THSD7A: variants seen among roughly 807,000 people sequenced by gnomAD.
The protein encoded by THSD7A is thrombospondin type 1 domain containing 7A.
In THSD7A, 96 loss-of-function variants were observed where a neutral mutation model predicts 231.3. That is an observed-to-expected ratio of 0.41 (90% confidence interval 0.35 to 0.49). The LOEUF (loss-of-function observed/expected upper bound fraction) is 0.49, where lower values mean the gene tolerates loss of function less well. Among genes scored for constraint, THSD7A ranks in the 20% least tolerant of loss-of-function variants. THSD7A has a pLI of 0.05. For synonymous variants in THSD7A, 940 were observed against 743.3 expected (o/e 1.26, Z -4.30); for missense variants, 2,290 against 2,070.2 (o/e 1.11, Z -2.06).
intron 4 of THSD7A, among the ~76,000 whole-genome samples, chr7:11,569,011 CCTAT>C (rs1385052319): frequency 2.4e-4 from 36 of 150,456 alleles, no homozygotes; most frequent in Non-Finnish European, 5.2e-4. Context: ...ACCCTACACT[CCTAT>C]CTCTCACCAC....
intron 10 of THSD7A, among the ~76,000 whole-genome samples, chr7:11,461,065 C>T (rs998280974): frequency 6.6e-6 from 1 of 152,052 alleles, no homozygotes; most frequent in Admixed American, 6.6e-5. Context: ...CCAGATGGCC[C>T]CAGAAGTGAT....
At chr7:11,584,053 C>T (rs899936126) in intron 4 of THSD7A, among the ~76,000 whole-genome samples, 13 of 152,102 alleles carry the variant, frequency 8.5e-5, no homozygotes, top group African/African-American at 2.9e-4. Flanking sequence ...TGCCTGTATT[C>T]TCTTTCTCTG....
Position 11,462,134 on chromosome 7 carries a change from C to T in THSD7A, c.2378G>A (p.Ser793Asn). Residue 793 changes from serine (S) to asparagine (N), a missense_variant, in exon 10 of 28, where the codon AGT (serine) becomes AAT (asparagine). By Grantham distance (46) the Ser-to-Asn change is conservative. Transcript: ENST00000423059. ...CCGATGCCTAGACTGCTTCCTGATA[C>T]TGGAGTCCCCTGCAATGAAGCAGTT... ...CPSSCKEGDS[S>N]IRKQSRHRVI... 1 of 1,613,582 alleles carries T rather than the reference C, an allele frequency of 6.2e-7. No homozygotes were observed. Among genetic ancestry groups the T allele is most frequent in the East Asian group, 2.2e-5 (1 of 44,850 alleles).
At chr7:11,789,080 A>G (rs1336445747) in intron 1 of THSD7A, among the ~76,000 whole-genome samples, 4 of 151,902 alleles carry the variant, frequency 2.6e-5, no homozygotes, top group Non-Finnish European at 4.4e-5. Context: ...CTCTGAACAG[A>G]TAACATTGGA....
intron 1 of THSD7A, among the ~76,000 whole-genome samples, chr7:11,744,627 G>T (rs1782222345): frequency 7.9e-6 from 1 of 127,148 alleles, no homozygotes; most frequent in Admixed American, 1.0e-4. Flanking sequence ...AGTGTGTGAT[G>T]TTCCCATTCC....
chr7:11,774,948 G>T (rs980770784), intron 1 of THSD7A, among the ~76,000 whole-genome samples: 1 of 152,154 alleles, frequency 6.6e-6, no homozygotes, highest in South Asian at 2.1e-4. Context: ...CCAGCTACTC[G>T]GGAGGCTGAG....
At chr7:11,581,006 A>G (rs959224604) in intron 4 of THSD7A, among the ~76,000 whole-genome samples, 11 of 152,296 alleles carry the variant, frequency 7.2e-5, no homozygotes, top group Admixed American at 6.5e-4. Context: ...ATAATAAGTG[A>G]GATACCTAAA....
intron 1 of THSD7A, among the ~76,000 whole-genome samples, chr7:11,690,998 C>T (rs181965054): frequency 6.6e-6 from 1 of 151,646 alleles, no homozygotes; most frequent in East Asian, 2.0e-4. Flanking sequence ...AGGCAGCTGA[C>T]ATTTTCATCA....
At chr7:11,476,577 G>C (rs554959448) in intron 7 of THSD7A, among the ~76,000 whole-genome samples, 1 of 152,044 alleles carries the variant, frequency 6.6e-6, no homozygotes, top group African/African-American at 2.4e-5. Flanking sequence ...AGCACTTTAG[G>C]GGGCCAAGGT....
rs184775956 is a variant in THSD7A, at chr7:11,384,933, T to C, written c.4412-2317A>G. On this transcript the variant is annotated intron_variant, in intron 23 of 27. Transcript: ENST00000423059. Reference sequence around the variant, plus strand: ...AAATCTGTATAAAATTTACATGTTATAATATTGGGGCTTTTTATTCATAAA... The same window carrying C: ...AAATCTGTATAAAATTTACATGTTACAATATTGGGGCTTTTTATTCATAAA... 1.3e-4 allele frequency: 20 copies of C among 152,152 alleles called. No homozygotes were observed. The Middle Eastern group carries it at 0.01, about 78-fold the overall frequency. The allele number at this position is 152,152 out of a possible 1,614,324, so 9.4% of individuals were successfully genotyped here.
At position 11,401,977 on chromosome 7, in the gene THSD7A, C is replaced by T. The variant is rs1455925851; in HGVS notation, c.4238-9G>A. 1 of 1,608,660 alleles carries T rather than the reference C, an allele frequency of 6.2e-7. No individual in the cohort carries two copies. Among genetic ancestry groups the T allele is most frequent in the Non-Finnish European group, 8.5e-7 (1 of 1,177,678 alleles). ...CTTCAAATAACAGTCACCTGTAAAACACATATTTGTAATTTACACCCATAT... is the reference window on the plus strand; with the variant it reads ...CTTCAAATAACAGTCACCTGTAAAATACATATTTGTAATTTACACCCATAT... On this transcript the variant is annotated splice_polypyrimidine_tract_variant and intron_variant, in intron 22 of 27. Transcript: ENST00000423059.
chr7:11,637,692 T>C lies in THSD7A; in HGVS notation c.191-731A>G, dbSNP rs1781922946. Reference sequence around the variant, plus strand: ...CATTGAGAGGTTATTTGGGGTCTTATTTATTTATTCATTTCTTAAACATGA... The same window carrying C: ...CATTGAGAGGTTATTTGGGGTCTTACTTATTTATTCATTTCTTAAACATGA... On this transcript the variant is annotated intron_variant, in intron 1 of 27. Transcript: ENST00000423059. The surrounding 1 kb of genome is among the most constrained non-coding windows in gnomAD (Gnocchi z 4.2). Among the ~76,000 whole-genome samples the C allele has an allele frequency of 6.6e-6, 1 of 152,222 alleles. No homozygotes were observed. The highest frequency in any genetic ancestry group is 1.5e-5 in the Non-Finnish European group (1 of 68,026).
chr7:11,791,496 T>G (rs1373198656), intron 1 of THSD7A, among the ~76,000 whole-genome samples: 14 of 151,982 alleles, frequency 9.2e-5, no homozygotes, highest in Admixed American at 9.2e-4. Flanking sequence ...TTCCCAAAGT[T>G]TAGTTGATCA....
At chr7:11,464,172 T>A (rs897889006) in intron 9 of THSD7A, among the ~76,000 whole-genome samples, 1 of 152,092 alleles carries the variant, frequency 6.6e-6, no homozygotes, top group Non-Finnish European at 1.5e-5. Context: ...CTTTTTTTTT[T>A]AAAGTATACA....
intron 6 of THSD7A, among the ~76,000 whole-genome samples, chr7:11,504,779 T>A (rs1787475975): frequency 6.6e-6 from 1 of 152,184 alleles, no homozygotes; most frequent in African/African-American, 2.4e-5. Context: ...GCCTGATACA[T>A]TTGCATGAAC....
intron 1 of THSD7A, among the ~76,000 whole-genome samples, chr7:11,640,852 C>T (rs866560660): frequency 6.6e-6 from 1 of 152,026 alleles, no homozygotes; most frequent in Non-Finnish European, 1.5e-5. Flanking sequence ...ATCAAATGTT[C>T]TTTTCCCACT....
At chr7:11,424,608 G>T (rs1271101849) in intron 16 of THSD7A, 88 bp downstream of exon 16, 3 of 1,547,962 alleles carry the variant, frequency 1.9e-6, no homozygotes, top group Non-Finnish European at 2.6e-6. Flanking sequence ...CCAGAAGACT[G>T]GGGAGGAGTG....
In THSD7A at chr7:11,637,742, T is replaced by C. The variant is rs1011117576; in HGVS notation, c.191-781A>G. Among the ~76,000 whole-genome samples the C allele has an allele frequency of 2.0e-5, 3 of 152,190 alleles. No homozygotes were observed. Among genetic ancestry groups the C allele is most frequent in the African/African-American group, 7.2e-5 (3 of 41,452 alleles). On this transcript the variant is annotated intron_variant, in intron 1 of 27. Coordinates refer to ENST00000423059, the MANE Select transcript of THSD7A (RefSeq NM_015204.3). This position sits in a 1 kb window ranked among gnomAD's most constrained non-coding sequence, Gnocchi z 4.2. ...AACTATTTGGTATTACAGAGCTGTT[T>C]GATGTGATACTTAAATCAGTGGCTT... is the stretch of plus-strand genomic sequence containing the variant.
intron 1 of THSD7A, among the ~76,000 whole-genome samples, chr7:11,763,082 T>G (rs1231932014): frequency 6.6e-6 from 1 of 152,196 alleles, no homozygotes; most frequent in African/African-American, 2.4e-5. Flanking sequence ...TCCCTATCAC[T>G]GACCAGAAAA....
Sources: allele counts gnomAD v4.1 joint callset (sites outside exome capture counted in the v4.1 genomes callset), GRCh38; gene constraint gnomAD v4.1.1; non-coding constraint Gnocchi (gnomAD v3.1); transcripts MANE v1.5; gene names NCBI Gene and HGNC (gene_info 2026-07-23, HGNC 2026-07-21).